The following ARHGEF12 variants were observed in gnomAD, a reference collection of about 807,000 sequenced individuals.
ARHGEF12 encodes KMT2A/ARHGEF12 fusion protein.
Under a neutral mutation model 211.2 loss-of-function variants are expected in ARHGEF12, and 66 were observed. That is an observed-to-expected ratio of 0.31 (90% CI 0.26 to 0.38). The LOEUF (loss-of-function observed/expected upper bound fraction) is 0.38. Among genes scored for constraint, ARHGEF12 ranks in the 10% least tolerant of loss-of-function variants. The probability of loss-of-function intolerance (pLI) is 1.00; values close to 1 mark genes in which losing one functional copy is unlikely to be tolerated. For missense variants in ARHGEF12, 1,429 were observed against 1,869.5 expected, an observed-to-expected ratio of 0.76 and a Z score of 4.34; for synonymous variants, 592 against 638.4, an observed-to-expected ratio of 0.93 and a Z score of 1.09.
intron 4 of ARHGEF12, among the ~76,000 whole-genome samples, chr11:120,413,678 A>T (rs532105124): frequency 1.3e-5 from 2 of 152,286 alleles, no homozygotes; most frequent in East Asian, 3.9e-4. Flanking sequence ...TAATCAAAGG[A>T]TTATCTGAGG....
intron 1 of ARHGEF12, among the ~76,000 whole-genome samples, chr11:120,353,597 A>G (rs1233190165): frequency 2.0e-5 from 3 of 152,088 alleles, no homozygotes; most frequent in African/African-American, 7.2e-5. Flanking sequence ...CTCGATAGGG[A>G]TACCTGGCCC....
intron 1 of ARHGEF12, among the ~76,000 whole-genome samples, chr11:120,401,508 A>G (rs1944547777): frequency 6.6e-6 from 1 of 152,216 alleles, no homozygotes; most frequent in Non-Finnish European, 1.5e-5. Context: ...CCATGTTTTA[A>G]GCCATTCTAA....
Position 120,431,799 on chromosome 11 carries a change from C to A in ARHGEF12, c.812C>A (p.Pro271His), listed in dbSNP as rs1945547669. Residue 271 changes from proline to histidine, a missense_variant, in exon 11 of 41, where the codon CCT becomes CAT. Coordinates refer to ENST00000397843, the MANE Select transcript of ARHGEF12 (RefSeq NM_015313.3). The part of the protein sequence containing the change: ...QDGAVVTPSR[P>H]LGDTLTVSEA... ...GGAGCTGTAGTTACACCCTCCAGAC[C>A]TTTAGGGGACACCCTAACAGTCAGT... The A allele has an allele frequency of 6.2e-7, 1 of 1,613,358 alleles. No homozygotes were observed. Among genetic ancestry groups the A allele is most frequent in the Non-Finnish European group, 8.5e-7 (1 of 1,179,634 alleles).
At chr11:120,389,399 T>C (rs1237239273) in intron 1 of ARHGEF12, among the ~76,000 whole-genome samples, 1 of 152,238 alleles carries the variant, frequency 6.6e-6, no homozygotes, top group African/African-American at 2.4e-5. Flanking sequence ...CACACCTCTT[T>C]GCTTCTAGTT....
chr11:120,417,048 A>C (rs1178900346), intron 4 of ARHGEF12, among the ~76,000 whole-genome samples: 1 of 152,220 alleles, frequency 6.6e-6, no homozygotes, highest in Non-Finnish European at 1.5e-5. Flanking sequence ...CCTTAATCAT[A>C]ATAAAATAAT....
At chr11:120,470,788 A>G (rs573092632) in intron 30 of ARHGEF12, among the ~76,000 whole-genome samples, 33 of 152,210 alleles carry the variant, frequency 2.2e-4, no homozygotes, top group Non-Finnish European at 4.0e-4. Flanking sequence ...TTGACTCCGC[A>G]GTTCTGTTCC....
chr11:120,367,763 G>T (rs1022478923), intron 1 of ARHGEF12, among the ~76,000 whole-genome samples: 2 of 152,286 alleles, frequency 1.3e-5, no homozygotes, highest in African/African-American at 4.8e-5. Context: ...TTAAGGTCAG[G>T]TGTTTGAGAC....
chr11:120,409,167 G>T (rs1944808092), intron 3 of ARHGEF12: 11 of 502,850 alleles, frequency 2.2e-5, no homozygotes, highest in South Asian at 8.1e-5. Context: ...GTGTTGTTTT[G>T]TTTGAACATA....
intron 1 of ARHGEF12, among the ~76,000 whole-genome samples, chr11:120,398,498 C>G (rs947329496): frequency 1.3e-5 from 2 of 152,158 alleles, no homozygotes; most frequent in Non-Finnish European, 2.9e-5. Flanking sequence ...ATCTTTTCCT[C>G]ATAAAATCAG....
rs1942360391 is a variant in ARHGEF12 at position 120,336,685 on chromosome 11, G to T, written c.-559G>T. Among the ~76,000 whole-genome samples the T allele has an allele frequency of 1.3e-5, 2 of 152,110 alleles. No homozygotes were observed. The highest frequency in any genetic ancestry group is 4.8e-5 in the African/African-American group (2 of 41,450). On this transcript the variant is annotated 5_prime_UTR_variant, in exon 1 of 41. Coordinates refer to ENST00000397843, the MANE Select transcript of ARHGEF12 (RefSeq NM_015313.3). ...CCAGCACCGGGAGCCTGGTGAGGGC[G>T]GCGAGCACAGAAGGAGCCCCGGGCC...
Position 120,460,428 on chromosome 11 carries a change from C to A in ARHGEF12, c.2528-244C>A, listed in dbSNP as rs140447562. ...GAGGTTCAATGAATATTTGATGCAA[C>A]CACCGTGTATGTAATGTGCTAGTTT... On this transcript the variant is annotated intron_variant, in intron 26 of 40. Coordinates refer to ENST00000397843, the MANE Select transcript of ARHGEF12 (RefSeq NM_015313.3). Among the ~76,000 whole-genome samples, 184 of 152,282 alleles carry A rather than the reference C, an allele frequency of 1.2e-3. 5 individuals are homozygous for A. The East Asian group carries it at 0.033, about 28-fold the overall frequency.
intron 1 of ARHGEF12, among the ~76,000 whole-genome samples, chr11:120,354,195 G>A (rs1397260380): frequency 6.6e-6 from 1 of 152,192 alleles, no homozygotes; most frequent in African/African-American, 2.4e-5. Flanking sequence ...AGGCTTCTGA[G>A]AGAGAACCTG....
At chr11:120,395,590 A>G (rs2135519096) in intron 1 of ARHGEF12, among the ~76,000 whole-genome samples, 1 of 152,326 alleles carries the variant, frequency 6.6e-6, no homozygotes, top group South Asian at 2.1e-4. Flanking sequence ...ATTGACTCAC[A>G]GTTCCACATG....
rs1946015498 is a variant in ARHGEF12 at position 120,445,473 on chromosome 11, G to C, written c.1345+9G>C. On this transcript the variant is annotated intron_variant, in intron 16 of 40. Coordinates refer to ENST00000397843, the MANE Select transcript of ARHGEF12 (RefSeq NM_015313.3). ...AATGTCTGCAGATCTAGGTAAGCTT[G>C]GAGCACTAACATCCTGGAGAATTAC... 1.2e-6 allele frequency: 2 copies of C among 1,613,664 alleles called. No individual in the cohort carries two copies. The highest frequency in any genetic ancestry group is 4.5e-5 in the East Asian group (2 of 44,870).
Position 120,437,182 on chromosome 11 carries a change from G to A in ARHGEF12, c.925-126G>A, listed in dbSNP as rs12285963. 4.6e-3 allele frequency: 2,635 copies of A among 569,054 alleles called. 64 individuals are homozygous for A. The highest frequency in any genetic ancestry group is 0.045 in the African/African-American group (2,343 of 51,504). The allele number at this position is 569,054 out of a possible 1,614,324, so 35.3% of individuals were successfully genotyped here. A position where few individuals can be genotyped will look rare whatever the true frequency, so the allele number is the denominator to read the frequency against. On this transcript the variant is annotated intron_variant, in intron 11 of 40. Coordinates refer to ENST00000397843, the MANE Select transcript of ARHGEF12 (RefSeq NM_015313.3). ...AAAGTAGCAGAACCAAGCATTTTAC[G>A]AAAGATATTTAGTAGTTGTAAATAC...
chr11:120,385,522 A>G, intron 1 of ARHGEF12: 1 of 983,718 alleles, frequency 1.0e-6, no homozygotes, highest in Non-Finnish European at 1.2e-6. Flanking sequence ...TGGGTCGTGT[A>G]TAAAATGGAG....
At chr11:120,457,477 A>AAAAT (rs1168819032) in intron 23 of ARHGEF12, 54 of 441,228 alleles carry the variant, frequency 1.2e-4, no homozygotes, top group African/African-American at 5.1e-4. Flanking sequence ...TGTAAAAAAT[A>AAAAT]AAATAAATAA....
At chr11:120,460,597 T>C (rs1489143673) in intron 26 of ARHGEF12, 75 bp from the exon 27 acceptor site, 14 of 1,238,518 alleles carry the variant, frequency 1.1e-5, no homozygotes, top group African/African-American at 1.5e-5. Context: ...AAAAAAAAAT[T>C]AGCTACTCTG....
intron 21 of ARHGEF12, 46 bp from the exon 22 acceptor site, chr11:120,451,466 C>G (rs745900537): frequency 6.3e-7 from 1 of 1,588,768 alleles, no homozygotes; most frequent in Admixed American, 1.7e-5. Flanking sequence ...CTTGAGCCAC[C>G]GCACCCAGCC....
Sources: gnomAD v4.1 joint callset for allele counts (sites outside exome capture counted in the v4.1 genomes callset) on GRCh38, gnomAD v4.1.1 for gene constraint, MANE v1.5 for transcripts, NCBI Gene and HGNC (gene_info 2026-07-23, HGNC 2026-07-21) for gene names.